Variants in CNTN5 observed in about 807,000 individuals in gnomAD.
CNTN5 encodes contactin-5.
CNTN5 carries 77 observed loss-of-function variants against 129.1 expected under a neutral mutation model. The ratio of observed to expected loss-of-function variants is 0.60; its 90% CI spans 0.50 to 0.72. The LOEUF (loss-of-function observed/expected upper bound fraction) is 0.72, where lower values mean the gene tolerates loss of function less well. Ranked by LOEUF, CNTN5 falls within the 30% of genes least tolerant of loss-of-function variation. The pLI is 0.00. For missense variants in CNTN5, 1,478 were observed against 1,328.8 expected (o/e 1.11, Z -1.75); for synonymous variants, 509 against 465.6 (o/e 1.09, Z -1.20).
chr11:99,358,255 A>ATTTTTTTTTTTTTTTTTT lies in CNTN5; in HGVS notation c.-71+32774_-71+32791dup, dbSNP rs1186386021. Among the ~76,000 whole-genome samples the ATTTTTTTTTTTTTTTTTT allele has an allele frequency of 1.4e-3, 67 of 46,918 alleles. 6 individuals carry two copies. Among genetic ancestry groups the ATTTTTTTTTTTTTTTTTT allele is most frequent in the Non-Finnish European group, 1.5e-3 (37 of 24,090 alleles). The allele number at this position is 46,918 out of a possible 152,430, so 30.8% of individuals were successfully genotyped here. ...AGGCGCCCGCCACCACGCCCTGCTGATTTTTTTTTTTTTTTTTTTTAGTAG... is the reference window on the plus strand; with the variant it reads ...AGGCGCCCGCCACCACGCCCTGCTGATTTTTTTTTTTTTTTTTTTTTTTTTTTTTTTTTTTTTTAGTAG... On this transcript the variant is annotated intron_variant, in intron 2 of 24. Coordinates refer to ENST00000524871, the MANE Select transcript of CNTN5 (RefSeq NM_014361.4).
At chr11:99,753,190 T>G (rs544402043) in intron 3 of CNTN5, among the ~76,000 whole-genome samples, 1 of 141,060 alleles carries the variant, frequency 7.1e-6, no homozygotes, top group East Asian at 2.5e-4. Context: ...TGGCGAGATC[T>G]CGACTCACTG....
chr11:99,889,114 C>T (rs574733597), intron 6 of CNTN5, among the ~76,000 whole-genome samples: 15 of 152,092 alleles, frequency 9.9e-5, no homozygotes, highest in Non-Finnish European at 8.8e-5. Context: ...TGTTATCCAG[C>T]AACGATCCTT....
intron 1 of CNTN5, among the ~76,000 whole-genome samples, chr11:99,290,619 C>T (rs1405515293): frequency 6.6e-6 from 1 of 151,822 alleles, no homozygotes; most frequent in Non-Finnish European, 1.5e-5. Context: ...ACTTTTCTAG[C>T]AACTGGCAAT....
chr11:99,547,972 A>C (rs967223014), intron 2 of CNTN5, among the ~76,000 whole-genome samples: 1 of 152,166 alleles, frequency 6.6e-6, no homozygotes, highest in Admixed American at 6.5e-5. Context: ...AATGGAAATA[A>C]TATATTTACC....
chr11:99,806,177 T>G (rs935948465), intron 3 of CNTN5, among the ~76,000 whole-genome samples: 1 of 152,176 alleles, frequency 6.6e-6, no homozygotes, highest in Non-Finnish European at 1.5e-5. Context: ...TCACTGACTT[T>G]CTCCCTCCAA....
chr11:100,124,485 T>C (rs1257555912), intron 13 of CNTN5, among the ~76,000 whole-genome samples: 1 of 151,620 alleles, frequency 6.6e-6, no homozygotes, highest in African/African-American at 2.4e-5. Context: ...ATAAAAGAAA[T>C]AAAGATGAGA....
intron 17 of CNTN5, among the ~76,000 whole-genome samples, chr11:100,263,176 G>T (rs1293114462): frequency 3.9e-5 from 6 of 152,146 alleles, no homozygotes; most frequent in Non-Finnish European, 8.8e-5. Flanking sequence ...AAAGTGTACA[G>T]TAAGTCTACA....
chr11:99,844,197 C>T (rs1947606216), intron 4 of CNTN5, among the ~76,000 whole-genome samples: 1 of 152,212 alleles, frequency 6.6e-6, no homozygotes, highest in Non-Finnish European at 1.5e-5. Context: ...CTGGCCTCCA[C>T]TTCCTTTTAT....
At chr11:99,904,556 G>A (rs1387934864) in intron 6 of CNTN5, among the ~76,000 whole-genome samples, 1 of 152,118 alleles carries the variant, frequency 6.6e-6, no homozygotes. Flanking sequence ...GGGCATTTGA[G>A]CTAGTTCCAA....
chr11:99,902,414 A>G (rs1949383274), intron 6 of CNTN5, among the ~76,000 whole-genome samples: 1 of 152,084 alleles, frequency 6.6e-6, no homozygotes, highest in South Asian at 2.1e-4. Context: ...CATCTGCCTA[A>G]CCTTGAACTA....
intron 1 of CNTN5, among the ~76,000 whole-genome samples, chr11:99,269,370 G>T (rs1365569999): frequency 6.6e-6 from 1 of 150,824 alleles, no homozygotes; most frequent in Non-Finnish European, 1.5e-5. Context: ...TAAATCGTGG[G>T]GGAGATAAAC....
chr11:99,096,293 C>T (rs1327485670), intron 1 of CNTN5, among the ~76,000 whole-genome samples: 2 of 151,602 alleles, frequency 1.3e-5, no homozygotes, highest in Admixed American at 6.6e-5. Flanking sequence ...TTACTTTTGG[C>T]TATGATAGAA....
At chr11:99,372,154 A>G (rs181626202) in intron 2 of CNTN5, among the ~76,000 whole-genome samples, 2 of 152,368 alleles carry the variant, frequency 1.3e-5, no homozygotes, top group African/African-American at 4.8e-5. Flanking sequence ...TCACTGTTTC[A>G]CAAACTTATG....
At chr11:99,465,811 A>G (rs1944909677) in intron 2 of CNTN5, among the ~76,000 whole-genome samples, 1 of 151,078 alleles carries the variant, frequency 6.6e-6, no homozygotes, top group African/African-American at 2.4e-5. Context: ...GCAAAGGGGG[A>G]AGCAGGCATG....
chr11:99,977,051 A>C (rs1302479499), intron 8 of CNTN5, among the ~76,000 whole-genome samples: 1 of 152,234 alleles, frequency 6.6e-6, no homozygotes, highest in Non-Finnish European at 1.5e-5. Context: ...GCTTTGCTGC[A>C]TAGAAATTTC....
chr11:99,053,446 A>G (rs1026431140), intron 1 of CNTN5, among the ~76,000 whole-genome samples: 1 of 151,790 alleles, frequency 6.6e-6, no homozygotes, highest in Non-Finnish European at 1.5e-5. Flanking sequence ...TCTTTTCAAT[A>G]TATATGTTTT....
chr11:99,652,360 GACACCATCATC>G (rs1565391249), intron 3 of CNTN5, among the ~76,000 whole-genome samples: 1 of 151,872 alleles, frequency 6.6e-6, no homozygotes, highest in Non-Finnish European at 1.5e-5. Context: ...ATAAAATAAT[GACACCATCATC>G]TATACTATCT....
intron 1 of CNTN5, among the ~76,000 whole-genome samples, chr11:99,100,135 C>T (rs1866653217): frequency 6.6e-6 from 1 of 151,996 alleles, no homozygotes; most frequent in Non-Finnish European, 1.5e-5. Context: ...TCTTTAGGAC[C>T]TGCAAACAAT....
chr11:100,167,201 A>T (rs1947667787), intron 13 of CNTN5, among the ~76,000 whole-genome samples: 1 of 151,848 alleles, frequency 6.6e-6, no homozygotes, highest in African/African-American at 2.4e-5. Context: ...AACAAAAAAA[A>T]ATTAAAGTAA....
Sources: gnomAD v4.1 joint callset for allele counts (sites outside exome capture counted in the v4.1 genomes callset) on GRCh38, gnomAD v4.1.1 for gene constraint, MANE v1.5 for transcripts, NCBI Gene and HGNC (gene_info 2026-07-23, HGNC 2026-07-21) for gene names.